Variants in TRABD2B observed in about 807,000 individuals in gnomAD.
TRABD2B encodes the protein TraB domain containing 2B, also known as metalloprotease TIKI2.
Under a neutral mutation model 40.1 loss-of-function variants are expected in TRABD2B, and 14 were observed. That is an observed-to-expected ratio of 0.35 (90% CI 0.23 to 0.55). The LOEUF (loss-of-function observed/expected upper bound fraction) is 0.55. TRABD2B is among the 20% of genes least tolerant of loss of function. The probability of loss-of-function intolerance (pLI) is 0.90; values close to 1 mark genes in which losing one functional copy is unlikely to be tolerated. For synonymous variants in TRABD2B, 263 were observed against 277.0 expected, an observed-to-expected ratio of 0.95 and a Z score of 0.50; for missense variants, 541 against 648.6, an observed-to-expected ratio of 0.83 and a Z score of 1.80.
chr1:47,884,179 G>C (rs1280432805), intron 2 of TRABD2B, among the ~76,000 whole-genome samples: 1 of 152,162 alleles, frequency 6.6e-6, no homozygotes, highest in African/African-American at 2.4e-5. Flanking sequence ...CTGTAGGGTG[G>C]CTCTTTCCTA....
At chr1:47,961,253 A>G (rs544752918) in intron 2 of TRABD2B, among the ~76,000 whole-genome samples, 3 of 152,380 alleles carry the variant, frequency 2.0e-5, no homozygotes, top group African/African-American at 7.2e-5. Flanking sequence ...TAAAACCATA[A>G]AAACCCTAGA....
At chr1:47,792,753 G>A (rs1433645665) in intron 4 of TRABD2B, among the ~76,000 whole-genome samples, 1 of 152,134 alleles carries the variant, frequency 6.6e-6, no homozygotes, top group African/African-American at 2.4e-5. Context: ...GGGAGACTCT[G>A]CTCCTGGGTC....
intron 2 of TRABD2B, among the ~76,000 whole-genome samples, chr1:47,864,427 A>C (rs566578529): frequency 1.3e-5 from 2 of 152,230 alleles, no homozygotes; most frequent in Admixed American, 1.3e-4. Flanking sequence ...AGAACTCCGT[A>C]ACTTCCTCTC....
intron 2 of TRABD2B, among the ~76,000 whole-genome samples, chr1:47,964,163 G>A (rs1293016743): frequency 6.6e-6 from 1 of 152,176 alleles, no homozygotes; most frequent in African/African-American, 2.4e-5. Context: ...TTTCTGGAAT[G>A]TATAGATTTA....
At chr1:47,883,268 C>T (rs1371254857) in intron 2 of TRABD2B, among the ~76,000 whole-genome samples, 2 of 152,178 alleles carry the variant, frequency 1.3e-5, no homozygotes, top group Non-Finnish European at 2.9e-5. Context: ...TCAGGCTTCT[C>T]CCAGAGCCCT....
At chr1:47,877,393 C>G (rs1035267755) in intron 2 of TRABD2B, among the ~76,000 whole-genome samples, 1 of 152,088 alleles carries the variant, frequency 6.6e-6, no homozygotes, top group Non-Finnish European at 1.5e-5. Context: ...CTTCAAATGG[C>G]AAAGGCTTGG....
At chr1:47,777,105 G>C (rs1466670607) in intron 5 of TRABD2B, among the ~76,000 whole-genome samples, 1 of 152,194 alleles carries the variant, frequency 6.6e-6, no homozygotes, top group African/African-American at 2.4e-5. Flanking sequence ...CCTGGGCTCT[G>C]AGATGAATAG....
At position 47,939,874 on chromosome 1, in the gene TRABD2B, C is replaced by A. The variant is rs1232050197; in HGVS notation, c.666+54160G>T. Among the ~76,000 whole-genome samples the A allele has an allele frequency of 2.0e-5, 3 of 152,174 alleles. No homozygotes were observed. In the South Asian group the frequency reaches 6.2e-4, roughly 31 times the overall value. ...ACTATTCCATAGCCTCCTTACTGGC[C>A]TTCCTGCCTCTAGCCTCTCCTTTCT... On this transcript the variant is annotated intron_variant, in intron 2 of 6. Transcript: ENST00000606738.
chr1:47,831,416 G>T (rs896311188), intron 2 of TRABD2B, among the ~76,000 whole-genome samples: 1 of 152,138 alleles, frequency 6.6e-6, no homozygotes, highest in African/African-American at 2.4e-5. Flanking sequence ...TTGCTGCTGC[G>T]GGCGCAGTGT....
At chr1:47,944,941 A>G (rs1645240332) in intron 2 of TRABD2B, among the ~76,000 whole-genome samples, 1 of 151,404 alleles carries the variant, frequency 6.6e-6, no homozygotes, top group Admixed American at 6.6e-5. Context: ...CAATTCTTGG[A>G]GTAGAAAATG....
chr1:47,775,430 G>A lies in TRABD2B; in HGVS notation c.1089C>T (p.Pro363=). The A allele has an allele frequency of 8.1e-7, 1 of 1,235,042 alleles. No individual in the cohort carries two copies. The highest frequency in any genetic ancestry group is 1.0e-6 in the Non-Finnish European group (1 of 988,578). 76.5% of individuals were successfully genotyped at this position (1,235,042 alleles called of 1,614,324 possible). The change falls in exon 6 of 7, where the codon CCC becomes CCT. Residue 363 remains proline, a synonymous_variant. Transcript: ENST00000606738. ...PAGQAIHSPA[P]QSPAPSPEGT... Reference sequence around the variant, plus strand: ...CCTCAGGAGAGGGCGCTGGGCTCTGGGGGGCAGGGCTGGAAAGAGGTAATG... The same window carrying A: ...CCTCAGGAGAGGGCGCTGGGCTCTGAGGGGCAGGGCTGGAAAGAGGTAATG...
intron 2 of TRABD2B, among the ~76,000 whole-genome samples, chr1:47,864,439 A>G (rs188246487): frequency 6.6e-6 from 1 of 152,028 alleles, no homozygotes; most frequent in East Asian, 1.9e-4. Flanking sequence ...CTTCCTCTCA[A>G]TGTTGTTGTA....
chr1:47,841,981 C>T (rs964686714), intron 2 of TRABD2B, among the ~76,000 whole-genome samples: 2 of 151,936 alleles, frequency 1.3e-5, no homozygotes, highest in Non-Finnish European at 2.9e-5. Flanking sequence ...ACGACCGTGG[C>T]CAGGCTGGTC....
chr1:47,976,530 C>T (rs921217480), intron 2 of TRABD2B, among the ~76,000 whole-genome samples: 1 of 152,168 alleles, frequency 6.6e-6, no homozygotes, highest in East Asian at 1.9e-4. Context: ...TATTTCTACT[C>T]TCATGGAGCT....
chr1:47,899,275 C>T (rs1038172571), intron 2 of TRABD2B, among the ~76,000 whole-genome samples: 1 of 152,204 alleles, frequency 6.6e-6, no homozygotes, highest in Non-Finnish European at 1.5e-5. Flanking sequence ...CAACAACCTC[C>T]TACAGACATG....
intron 2 of TRABD2B, among the ~76,000 whole-genome samples, chr1:47,846,930 G>A (rs1314386602): frequency 1.4e-5 from 2 of 147,226 alleles, no homozygotes; most frequent in Non-Finnish European, 3.0e-5. Flanking sequence ...CCCTCAGCTC[G>A]ATAGCTACCT....
At chr1:47,979,409 C>G (rs867486241) in intron 2 of TRABD2B, among the ~76,000 whole-genome samples, 12 of 152,314 alleles carry the variant, frequency 7.9e-5, no homozygotes, top group Middle Eastern at 3.4e-3. Context: ...ATTTAAAATG[C>G]CACTTTCCAG....
Position 47,766,158 on chromosome 1 carries a change from G to T in TRABD2B, c.1350-52C>A, listed in dbSNP as rs925211938. 3 of 698,574 alleles carry T rather than the reference G, an allele frequency of 4.3e-6. No homozygotes were observed. The African/African-American group carries it at 5.3e-5, about 12-fold the overall frequency. 43.3% of individuals were successfully genotyped at this position (698,574 alleles called of 1,614,324 possible). On this transcript the variant is annotated intron_variant, in intron 6 of 6. Transcript: ENST00000606738. ...GTCACCATCGGCAGCCTCGTCCTGGGCAGAAGCCTTGGGGCTCAGATCTGA... is the reference window on the plus strand; with the variant it reads ...GTCACCATCGGCAGCCTCGTCCTGGTCAGAAGCCTTGGGGCTCAGATCTGA...
chr1:47,846,894 A>ACACACACACACG (rs1439715341), intron 2 of TRABD2B, among the ~76,000 whole-genome samples: 3,353 of 145,622 alleles, frequency 0.023, 90 homozygotes, highest in Middle Eastern at 0.031. Flanking sequence ...ACACACACAC[A>ACACACACACACG]CAAATGAGGG....
Sources: allele counts gnomAD v4.1 joint callset (sites outside exome capture counted in the v4.1 genomes callset), GRCh38; gene constraint gnomAD v4.1.1; transcripts MANE v1.5; gene names NCBI Gene and HGNC (gene_info 2026-07-23, HGNC 2026-07-21).